Variants in EHBP1 observed in about 807,000 individuals in gnomAD.
EHBP1 encodes EH domain binding protein 1, also known as EH domain-binding protein 1.
In EHBP1, 55 loss-of-function variants were observed where a neutral mutation model predicts 144.0. The ratio of observed to expected loss-of-function variants is 0.38; its 90% CI spans 0.31 to 0.48. EHBP1 has a LOEUF of 0.48. Ranked by LOEUF, EHBP1 falls within the 20% of genes least tolerant of loss-of-function variation. The pLI is 0.98. For synonymous variants in EHBP1, 469 were observed against 472.7 expected (o/e 0.99, Z 0.10); for missense variants, 1,200 against 1,364.2 (o/e 0.88, Z 1.90).
chr2:63,023,394 C>T (rs2060840763), intron 19 of EHBP1, among the ~76,000 whole-genome samples: 1 of 152,078 alleles, frequency 6.6e-6, no homozygotes, highest in Non-Finnish European at 1.5e-5. Context: ...AATATATATA[C>T]ATAAACGGTT....
intron 19 of EHBP1, among the ~76,000 whole-genome samples, chr2:63,036,836 A>G (rs1008326578): frequency 1.3e-4 from 20 of 152,030 alleles, no homozygotes; most frequent in African/African-American, 4.6e-4. Flanking sequence ...GATATTAGCG[A>G]TGGAGAATTT....
At chr2:62,805,840 G>A (rs578186210) in intron 5 of EHBP1, among the ~76,000 whole-genome samples, 2 of 152,254 alleles carry the variant, frequency 1.3e-5, no homozygotes, top group Admixed American at 1.3e-4. Flanking sequence ...TGAGTTTCTT[G>A]TAGACAATAT....
At chr2:62,745,244 T>A (rs1323170781) in intron 2 of EHBP1, among the ~76,000 whole-genome samples, 1 of 152,042 alleles carries the variant, frequency 6.6e-6, no homozygotes, top group Admixed American at 6.6e-5. Flanking sequence ...ACGTGGTTGA[T>A]AAAATAGTGC....
chr2:62,796,961 A>G (rs1399520958), intron 5 of EHBP1, among the ~76,000 whole-genome samples: 1 of 152,090 alleles, frequency 6.6e-6, no homozygotes, highest in Non-Finnish European at 1.5e-5. Context: ...CCCAATGAAT[A>G]AAAGTACAGT....
At chr2:62,796,990 T>G (rs2043584835) in intron 5 of EHBP1, among the ~76,000 whole-genome samples, 1 of 152,132 alleles carries the variant, frequency 6.6e-6, no homozygotes, top group African/African-American at 2.4e-5. Flanking sequence ...CTTCCCTAGC[T>G]CCCGTGAAAC....
At chr2:62,935,598 G>A (rs1350977768) in intron 10 of EHBP1, among the ~76,000 whole-genome samples, 2 of 151,906 alleles carry the variant, frequency 1.3e-5, no homozygotes, top group African/African-American at 4.8e-5. Flanking sequence ...CTAATAAACT[G>A]TAACTTCTTG....
intron 7 of EHBP1, among the ~76,000 whole-genome samples, chr2:62,856,640 A>C (rs1573739378): frequency 1.3e-5 from 2 of 152,076 alleles, no homozygotes; most frequent in African/African-American, 4.8e-5. Context: ...TGAGCAAAAA[A>C]CTCAGGCAAA....
At chr2:62,894,543 T>C (rs141455263) in intron 10 of EHBP1, among the ~76,000 whole-genome samples, 1 of 152,034 alleles carries the variant, frequency 6.6e-6, no homozygotes, top group Non-Finnish European at 1.5e-5. Flanking sequence ...GGTGGGCAAA[T>C]GCATTGAAGT....
intron 1 of EHBP1, among the ~76,000 whole-genome samples, chr2:62,680,106 C>T (rs756519928): frequency 6.6e-6 from 1 of 152,224 alleles, no homozygotes; most frequent in African/African-American, 2.4e-5. Context: ...TATCCAACCT[C>T]ATGTCTTCTA....
intron 2 of EHBP1, among the ~76,000 whole-genome samples, chr2:62,729,879 G>A (rs1366263291): frequency 2.0e-5 from 3 of 151,776 alleles, no homozygotes; most frequent in Admixed American, 1.3e-4. Flanking sequence ...TGAGGTTTTT[G>A]CCAAAGTGAG....
intron 5 of EHBP1, among the ~76,000 whole-genome samples, chr2:62,782,288 A>G (rs2042483139): frequency 6.6e-6 from 1 of 152,248 alleles, no homozygotes; most frequent in Non-Finnish European, 1.5e-5. Flanking sequence ...GCTGAAAAGT[A>G]CAATAGAGAT....
intron 10 of EHBP1, among the ~76,000 whole-genome samples, chr2:62,921,917 C>G (rs919013128): frequency 1.3e-5 from 2 of 152,210 alleles, no homozygotes; most frequent in Non-Finnish European, 2.9e-5. Context: ...TGGCTCACGC[C>G]TGTAATGCCA....
intron 2 of EHBP1, among the ~76,000 whole-genome samples, chr2:62,716,225 A>G (rs1448849654): frequency 6.6e-6 from 1 of 150,610 alleles, no homozygotes; most frequent in African/African-American, 2.4e-5. Flanking sequence ...GCTTCTTCCC[A>G]AAGCATTTCT....
At chr2:63,041,326 G>T (rs569181630) in intron 21 of EHBP1, among the ~76,000 whole-genome samples, 2 of 151,938 alleles carry the variant, frequency 1.3e-5, no homozygotes, top group South Asian at 4.2e-4. Context: ...TTTTCCTATA[G>T]TTTTTTTTGT....
chr2:62,908,264 C>A (rs898995419), intron 10 of EHBP1, among the ~76,000 whole-genome samples: 6 of 152,224 alleles, frequency 3.9e-5, no homozygotes, highest in Admixed American at 2.0e-4. Flanking sequence ...TTATTTAAAT[C>A]TTGTTGATAT....
intron 9 of EHBP1, among the ~76,000 whole-genome samples, chr2:62,867,834 T>G (rs1282968940): frequency 6.6e-6 from 1 of 152,192 alleles, no homozygotes; most frequent in Non-Finnish European, 1.5e-5. Context: ...GTGGTATTAG[T>G]TTACTAATAG....
chr2:62,837,324 G>T (rs2152694430), intron 7 of EHBP1, among the ~76,000 whole-genome samples: 1 of 144,890 alleles, frequency 6.9e-6, no homozygotes, highest in Middle Eastern at 3.5e-3. Flanking sequence ...TGCCCTAAAA[G>T]AGCTCCTGAA....
chr2:62,766,935 A>C (rs1191743727), intron 4 of EHBP1, among the ~76,000 whole-genome samples: 1 of 150,832 alleles, frequency 6.6e-6, no homozygotes, highest in East Asian at 1.9e-4. Flanking sequence ...TCTCAAATAA[A>C]TGCTTGCAAA....
At chr2:63,028,369 A>G (rs972734080) in intron 19 of EHBP1, among the ~76,000 whole-genome samples, 22 of 152,178 alleles carry the variant, frequency 1.4e-4, no homozygotes, top group African/African-American at 5.3e-4. Context: ...TTGAGGGTTG[A>G]ACTCATCCCT....
Sources: gnomAD v4.1 joint callset for allele counts (sites outside exome capture counted in the v4.1 genomes callset) on GRCh38, gnomAD v4.1.1 for gene constraint, MANE v1.5 for transcripts, NCBI Gene and HGNC (gene_info 2026-07-23, HGNC 2026-07-21) for gene names.